The following CALN1 variants were observed in gnomAD, a reference collection of about 807,000 sequenced individuals.
CALN1 encodes the protein calneuron 1.
In CALN1, 17 loss-of-function variants were observed where a neutral mutation model predicts 30.6. The ratio of observed to expected loss-of-function variants is 0.56; its 90% CI spans 0.38 to 0.83. The LOEUF (loss-of-function observed/expected upper bound fraction) is 0.83, where lower values mean the gene tolerates loss of function less well. Ranked by LOEUF, CALN1 falls within the 40% of genes least tolerant of loss-of-function variation. The pLI is 0.00. For missense variants in CALN1, 291 were observed against 354.9 expected (o/e 0.82, Z 1.45); for synonymous variants, 156 against 131.4 (o/e 1.19, Z -1.28).
At position 71,882,850 on chromosome 7, in the gene CALN1, T is replaced by TTGTGTGTGTGTGTG. The variant is rs34870061; in HGVS notation, c.502-72372_502-72359dup. ...GGGCATGCCACCATGCCCATCTAATTTGTGTGTGTGTGTGTGTGTGTGTGT... is the reference window on the plus strand; with the variant it reads ...GGGCATGCCACCATGCCCATCTAATTTGTGTGTGTGTGTGTGTGTGTGTGTGTGTGTGTGTGTGT... On this transcript the variant is annotated intron_variant, in intron 5 of 6. Coordinates refer to ENST00000395275, the MANE Select transcript of CALN1 (RefSeq NM_031468.4). Among the ~76,000 whole-genome samples the TTGTGTGTGTGTGTG allele has an allele frequency of 2.1e-3, 278 of 131,016 alleles. 1 individual carries two copies. The highest frequency in any genetic ancestry group is 7.5e-3 in the African/African-American group (259 of 34,724). 86.0% of individuals were successfully genotyped at this position (131,016 alleles called of 152,430 possible).
chr7:72,442,503 C>T (rs111414183), intron 1 of CALN1, among the ~76,000 whole-genome samples: 1,799 of 151,802 alleles, frequency 0.012, 34 homozygotes, highest in African/African-American at 0.042. Context: ...AAAGATTGCA[C>T]TTATTTAGGA....
At chr7:72,114,491 G>A (rs1807826468) in intron 3 of CALN1, among the ~76,000 whole-genome samples, 1 of 151,768 alleles carries the variant, frequency 6.6e-6, no homozygotes, top group Non-Finnish European at 1.5e-5. Flanking sequence ...AGGTGATGCT[G>A]AAAATATGAC....
At chr7:72,029,781 T>C (rs1183824246) in intron 4 of CALN1, among the ~76,000 whole-genome samples, 3 of 152,242 alleles carry the variant, frequency 2.0e-5, no homozygotes, top group African/African-American at 7.2e-5. Flanking sequence ...CCCATTACCT[T>C]ACGCCTCTCT....
chr7:72,074,607 C>T (rs376334166), intron 4 of CALN1, among the ~76,000 whole-genome samples: 7 of 152,240 alleles, frequency 4.6e-5, no homozygotes, highest in South Asian at 2.1e-4. Flanking sequence ...GGGGTTTTGC[C>T]GTGTTGGCCA....
intron 5 of CALN1, among the ~76,000 whole-genome samples, chr7:71,944,277 T>A (rs375324346): frequency 6.6e-6 from 1 of 151,994 alleles, no homozygotes; most frequent in Non-Finnish European, 1.5e-5. Context: ...TGGGACCCCA[T>A]CTCTATTTTA....
intron 3 of CALN1, among the ~76,000 whole-genome samples, chr7:72,215,593 C>CAA (rs35459723): frequency 0.036 from 2,751 of 76,838 alleles, 126 homozygotes; most frequent in African/African-American, 0.09. Context: ...AACTCCTGCT[C>CAA]AAAAAAAAAA....
At chr7:72,271,575 A>AAAAAAAAAAAAAAAAATATATAT in intron 3 of CALN1, among the ~76,000 whole-genome samples, 25 of 52,118 alleles carry the variant, frequency 4.8e-4, no homozygotes, top group African/African-American at 6.7e-4. Context: ...AAAAAAAAAA[A>AAAAAAAAAAAAAAAAATATATAT]ATATATATAT....
rs777694554 is a variant in CALN1 at position 71,873,325 on chromosome 7, G to T, written c.502-62833C>A. Among the ~76,000 whole-genome samples the T allele has an allele frequency of 2.2e-4, 33 of 151,932 alleles. 1 individual carries two copies. The highest frequency in any genetic ancestry group is 6.8e-3 in the Middle Eastern group (2 of 294). On this transcript the variant is annotated intron_variant, in intron 5 of 6. Coordinates refer to ENST00000395275, the MANE Select transcript of CALN1 (RefSeq NM_031468.4). ...GCCCAGCCGAAAATTTTTTTTTGTG[G>T]ACACATTCATGGTCTGTTCAGAGAG...
chr7:72,359,722 T>A (rs1017926252), intron 2 of CALN1, among the ~76,000 whole-genome samples: 1 of 152,024 alleles, frequency 6.6e-6, no homozygotes, highest in African/African-American at 2.4e-5. Context: ...ACGCCTGTAA[T>A]CTCAGCACTT....
At chr7:71,944,253 C>T (rs1253607853) in intron 5 of CALN1, among the ~76,000 whole-genome samples, 1 of 152,070 alleles carries the variant, frequency 6.6e-6, no homozygotes, top group East Asian at 1.9e-4. Flanking sequence ...TCAAGATCAA[C>T]TTGGGCAACA....
At chr7:72,455,710 T>A in the CALN1 span, among the ~76,000 whole-genome samples, 3 of 151,944 alleles carry the variant, frequency 2.0e-5, no homozygotes, top group Admixed American at 2.0e-4. Context: ...GTTGATGAGG[T>A]GATGGAGGCG....
intron 5 of CALN1, among the ~76,000 whole-genome samples, chr7:71,869,216 T>C (rs1791777446): frequency 4.0e-5 from 6 of 151,758 alleles, no homozygotes. Context: ...AAAAACACTT[T>C]TTTTTTTTTT....
At chr7:72,176,055 C>T (rs1202303892) in intron 3 of CALN1, among the ~76,000 whole-genome samples, 1 of 152,148 alleles carries the variant, frequency 6.6e-6, no homozygotes, top group Non-Finnish European at 1.5e-5. Context: ...AAGACAAAGA[C>T]ACACAGAAAC....
At chr7:72,160,721 T>C (rs1406241560) in intron 3 of CALN1, among the ~76,000 whole-genome samples, 1 of 152,220 alleles carries the variant, frequency 6.6e-6, no homozygotes, top group African/African-American at 2.4e-5. Context: ...AAGGAGCTAC[T>C]TATTATCTCA....
At chr7:72,038,740 G>T (rs1314083159) in intron 4 of CALN1, among the ~76,000 whole-genome samples, 1 of 152,074 alleles carries the variant, frequency 6.6e-6, no homozygotes, top group Admixed American at 6.5e-5. Context: ...GTGACCTCTG[G>T]TCCTCCTCAC....
chr7:72,291,771 C>T (rs1443323540), intron 2 of CALN1, among the ~76,000 whole-genome samples: 3 of 152,108 alleles, frequency 2.0e-5, no homozygotes, highest in Non-Finnish European at 4.4e-5. Context: ...TACCACAATG[C>T]CCGGCTAATT....
chr7:72,494,274 T>A, the CALN1 span, among the ~76,000 whole-genome samples: 1 of 152,180 alleles, frequency 6.6e-6, no homozygotes, highest in Non-Finnish European at 1.5e-5. Context: ...AACACTGCCC[T>A]CTGCTGGACA....
intron 6 of CALN1, among the ~76,000 whole-genome samples, chr7:71,801,424 G>GTATCTATC (rs1302790129): frequency 0.052 from 5,240 of 101,570 alleles, 140 homozygotes; most frequent in Non-Finnish European, 0.058. Flanking sequence ...ATGTATGTAT[G>GTATCTATC]TATGTATCTA....
chr7:71,961,671 T>C (rs186235586), intron 5 of CALN1, among the ~76,000 whole-genome samples: 10 of 152,322 alleles, frequency 6.6e-5, no homozygotes, highest in South Asian at 4.1e-4. Context: ...CTCTCTGCCC[T>C]GGGCCCTTGG....
Sources: gnomAD v4.1 joint callset for allele counts (sites outside exome capture counted in the v4.1 genomes callset) on GRCh38, gnomAD v4.1.1 for gene constraint, MANE v1.5 for transcripts, NCBI Gene and HGNC (gene_info 2026-07-23, HGNC 2026-07-21) for gene names.